Variants in ATAD1 observed in about 807,000 individuals in gnomAD.
ATAD1 encodes the protein outer mitochondrial transmembrane helix translocase.
ATAD1 carries 18 observed loss-of-function variants against 42.7 expected under a neutral mutation model. The observed-to-expected ratio is 0.42, with a 90% CI of 0.29 to 0.63. ATAD1 has a LOEUF of 0.63. ATAD1 is among the 20% of genes least tolerant of loss of function. The pLI is 0.19. For missense variants in ATAD1, 294 were observed against 440.4 expected, an observed-to-expected ratio of 0.67 and a Z score of 2.98; for synonymous variants, 132 against 143.1, an observed-to-expected ratio of 0.92 and a Z score of 0.55.
chr10:87,819,915 T>C (rs1857596710), upstream of ATAD1, among the ~76,000 whole-genome samples: 2 of 152,244 alleles, frequency 1.3e-5, no homozygotes, highest in East Asian at 3.9e-4. Context: ...GGAATCAGAA[T>C]GGAATTGAAT....
At chr10:87,813,821 TAA>T (rs913905410) in intron 2 of ATAD1, among the ~76,000 whole-genome samples, 3 of 150,838 alleles carry the variant, frequency 2.0e-5, no homozygotes, top group African/African-American at 7.3e-5. Flanking sequence ...AATTATTGTT[TAA>T]AAAAAAAGAG....
rs112416448 is a variant in ATAD1 at position 87,763,277 on chromosome 10, C to A, written c.831+4396G>T. On this transcript the variant is annotated intron_variant, in intron 8 of 9. Coordinates refer to ENST00000680024, the MANE Select transcript of ATAD1 (RefSeq NM_001321967.2). ...AAAGGGCTCTATGACATGCTCCCCC[C>A]AAAATGATTCATAACCACTGATCCT... Among the ~76,000 whole-genome samples the A allele has an allele frequency of 1.9e-3, 282 of 152,156 alleles. 2 individuals are homozygous for A. The highest frequency in any genetic ancestry group is 5.5e-3 in the African/African-American group (230 of 41,518).
At chr10:87,757,494 A>G (rs1293573603) in intron 8 of ATAD1, among the ~76,000 whole-genome samples, 1 of 152,214 alleles carries the variant, frequency 6.6e-6, no homozygotes, top group African/African-American at 2.4e-5. Context: ...AAAAAAATCT[A>G]TAACTACCAT....
chr10:87,775,634 C>T (rs150294718), intron 6 of ATAD1, among the ~76,000 whole-genome samples: 1 of 150,738 alleles, frequency 6.6e-6, no homozygotes, highest in Non-Finnish European at 1.5e-5. Flanking sequence ...ACTAAGCTGA[C>T]AAGAAAGCAC....
At chr10:87,825,633 C>T (rs1488735140) in intron 1 of ATAD1, among the ~76,000 whole-genome samples, 3 of 150,194 alleles carry the variant, frequency 2.0e-5, no homozygotes, top group Non-Finnish European at 4.4e-5. Context: ...TCCTATTAAC[C>T]TCAGGGACAA....
intron 1 of ATAD1, among the ~76,000 whole-genome samples, chr10:87,825,639 G>A (rs1419594964): frequency 1.8e-4 from 27 of 148,990 alleles, no homozygotes; most frequent in Non-Finnish European, 7.4e-5. Flanking sequence ...TAACCTCAGG[G>A]ACAACCACAG....
Position 87,754,703 on chromosome 10 carries a change from T to A in ATAD1, c.1070A>T (p.His357Leu). ...KDAAFQNVLT[H>L]VCLD The stretch of plus-strand genomic sequence containing the variant: ...TCTTTACTCTTAATCTAAACAAACA[T>A]GTGTTAAAACATTCTGAAATGCTGC... Residue 357 changes from histidine (H) to leucine (L), a missense_variant, in exon 10 of 10, where the codon CAT (histidine) becomes CTT (leucine). This residue lies in a region of ATAD1 where 142 missense variants were observed against 174.6 expected (regional missense o/e 0.81). Coordinates refer to ENST00000680024, the MANE Select transcript of ATAD1 (RefSeq NM_001321967.2). The A allele has an allele frequency of 6.2e-7, 1 of 1,613,272 alleles. No homozygotes were observed.
chr10:87,799,732 A>G (rs1404826357), intron 2 of ATAD1, among the ~76,000 whole-genome samples: 1 of 152,134 alleles, frequency 6.6e-6, no homozygotes, highest in Non-Finnish European at 1.5e-5. Flanking sequence ...TTTAGAATCT[A>G]AAGTTATACT....
chr10:87,816,656 A>T (rs1475693499), intron 1 of ATAD1, among the ~76,000 whole-genome samples: 1 of 152,192 alleles, frequency 6.6e-6, no homozygotes, highest in Admixed American at 6.5e-5. Flanking sequence ...GCTATCTTCC[A>T]TCAGCATGGA....
In ATAD1 at chr10:87,754,573, C is replaced by CGT. The variant is rs1854135960; in HGVS notation, c.*113_*114insAC. ...TAACTTAGAATTCAGAGTATAAAAC[C>CGT]ATAAACACTGAGCTCCCTCATTGTT... On this transcript the variant is annotated 3_prime_UTR_variant, in exon 10 of 10. Transcript: ENST00000680024. The CGT allele has an allele frequency of 8.0e-7, 1 of 1,250,024 alleles. No individual in the cohort carries two copies. Among genetic ancestry groups the CGT allele is most frequent in the African/African-American group, 1.5e-5 (1 of 66,816 alleles). The allele number at this position is 1,250,024 out of a possible 1,614,324, so 77.4% of individuals were successfully genotyped here. A position where few individuals can be genotyped will look rare whatever the true frequency, so the allele number is the denominator to read the frequency against.
chr10:87,792,404 C>T (rs1856167005), intron 3 of ATAD1, among the ~76,000 whole-genome samples: 1 of 152,194 alleles, frequency 6.6e-6, no homozygotes, highest in Non-Finnish European at 1.5e-5. Context: ...TAATTAAGCA[C>T]TGTGTGACTC....
intron 5 of ATAD1, 108 bp downstream of exon 5, chr10:87,784,362 T>G: frequency 9.7e-7 from 1 of 1,029,482 alleles, no homozygotes; most frequent in Non-Finnish European, 1.4e-6. Flanking sequence ...GTTGGTTATG[T>G]TCTTTGTTTT....
intron 1 of ATAD1, among the ~76,000 whole-genome samples, chr10:87,816,670 C>CA (rs944229196): frequency 9.3e-5 from 14 of 151,042 alleles, no homozygotes; most frequent in Admixed American, 2.6e-4. Context: ...GCATGGATTC[C>CA]AAAAAAAACG....
chr10:87,836,923 T>C (rs1421413605), intron 1 of ATAD1, among the ~76,000 whole-genome samples: 1 of 152,232 alleles, frequency 6.6e-6, no homozygotes, highest in African/African-American at 2.4e-5. Context: ...CATCTTCAAA[T>C]TCACTGACTG....
At chr10:87,825,228 G>C (rs562243658) in intron 1 of ATAD1, among the ~76,000 whole-genome samples, 4 of 151,688 alleles carry the variant, frequency 2.6e-5, no homozygotes, top group African/African-American at 7.3e-5. Flanking sequence ...TTTAGTAGAT[G>C]AAAGTGAGAC....
chr10:87,832,453 G>A (rs1156254353), intron 1 of ATAD1, among the ~76,000 whole-genome samples: 1 of 150,994 alleles, frequency 6.6e-6, no homozygotes, highest in Non-Finnish European at 1.5e-5. Context: ...TTTCTGGGCT[G>A]TTTATTCTGT....
At chr10:87,828,844 T>C (rs1010696763) in intron 1 of ATAD1, among the ~76,000 whole-genome samples, 1 of 152,204 alleles carries the variant, frequency 6.6e-6, no homozygotes, top group Non-Finnish European at 1.5e-5. Context: ...TTACTCTGTA[T>C]CTACTCTGCC....
chr10:87,834,817 T>C (rs1223225012), intron 1 of ATAD1, among the ~76,000 whole-genome samples: 1 of 151,920 alleles, frequency 6.6e-6, no homozygotes, highest in Admixed American at 6.6e-5. Flanking sequence ...TTGGGTTTAT[T>C]TTATTGTTAT....
chr10:87,752,409 G>A lies in ATAD1; in HGVS notation c.*2278C>T, dbSNP rs996280743. 1 of 152,128 alleles carries A rather than the reference G, an allele frequency of 6.6e-6. No individual in the cohort carries two copies. The highest frequency in any genetic ancestry group is 2.4e-5 in the African/African-American group (1 of 41,420). The allele number at this position is 152,128 out of a possible 1,614,324, so 9.4% of individuals were successfully genotyped here. ...TGTGCAAAAGTGACAATATTAATAC[G>A]ACAGCTAACATTTGAGCAGTAATTC... On this transcript the variant is annotated 3_prime_UTR_variant, in exon 10 of 10. Coordinates refer to ENST00000680024, the MANE Select transcript of ATAD1 (RefSeq NM_001321967.2).
Sources: allele counts gnomAD v4.1 joint callset (sites outside exome capture counted in the v4.1 genomes callset), GRCh38; gene constraint gnomAD v4.1.1; regional missense constraint gnomAD v4.1.1; transcripts MANE v1.5; gene names NCBI Gene and HGNC (gene_info 2026-07-23, HGNC 2026-07-21).